MAL2: variants seen among roughly 807,000 people sequenced by gnomAD.
MAL2 encodes the protein mal, T cell differentiation protein 2.
A neutral mutation model predicts 18.1 loss-of-function variants in MAL2; 17 were observed. The observed-to-expected ratio is 0.94, with a 90% CI of 0.64 to 1.41. MAL2 has a LOEUF of 1.41. MAL2 is among the 40% of genes most tolerant of loss of function. The pLI, the probability that MAL2 is intolerant of heterozygous loss-of-function variation, is 0.00. For missense variants in MAL2, 222 were observed against 231.9 expected (o/e 0.96, Z 0.28); for synonymous variants, 102 against 102.3 (o/e 1.00, Z 0.02).
chr8:119,213,249 G>A (rs540834091), intron 1 of MAL2, among the ~76,000 whole-genome samples: 1 of 152,272 alleles, frequency 6.6e-6, no homozygotes, highest in East Asian at 1.9e-4. Context: ...TTGTGAGGGA[G>A]GGACTTTAGG....
intron 1 of MAL2, among the ~76,000 whole-genome samples, chr8:119,213,483 T>A (rs929425142): frequency 6.6e-6 from 1 of 152,208 alleles, no homozygotes; most frequent in Non-Finnish European, 1.5e-5. Context: ...TGTAGGTATT[T>A]TTTTTCCTTT....
chr8:119,232,996 C>G (rs1476206800), intron 2 of MAL2, among the ~76,000 whole-genome samples: 1 of 57,696 alleles, frequency 1.7e-5, no homozygotes, highest in Non-Finnish European at 5.2e-5. Flanking sequence ...CTGAGGAGAG[C>G]TTTACTTCCA....
chr8:119,213,805 C>T (rs950953129), intron 1 of MAL2, among the ~76,000 whole-genome samples: 3 of 151,936 alleles, frequency 2.0e-5, no homozygotes, highest in South Asian at 2.1e-4. Flanking sequence ...GAAATAAGAG[C>T]GAAACTACAT....
chr8:119,214,062 G>A (rs1404434702), intron 1 of MAL2, among the ~76,000 whole-genome samples: 2 of 152,224 alleles, frequency 1.3e-5, no homozygotes, highest in African/African-American at 2.4e-5. Context: ...AATGTTGTAC[G>A]TGGTGGTAGG....
chr8:119,211,550 G>A (rs1441428324), intron 1 of MAL2, among the ~76,000 whole-genome samples: 2 of 152,018 alleles, frequency 1.3e-5, no homozygotes, highest in Non-Finnish European at 2.9e-5. Context: ...TCCCCTTAAC[G>A]TATTCTATTC....
intron 2 of MAL2, among the ~76,000 whole-genome samples, chr8:119,239,464 T>G (rs1317578199): frequency 6.6e-6 from 1 of 152,016 alleles, no homozygotes; most frequent in Non-Finnish European, 1.5e-5. Flanking sequence ...TAAAGACACA[T>G]GCACATGTAT....
rs138551626 is a variant in MAL2 at position 119,231,894 on chromosome 8, G to A, written c.304-8271G>A. On this transcript the variant is annotated intron_variant, in intron 2 of 3. Transcript: ENST00000614891. ...AATTCACAGAAGTAGAGAATAGAAT[G>A]GTGATTACCAGGGTATGGGGTGATG... Among the ~76,000 whole-genome samples the A allele has an allele frequency of 4.6e-3, 695 of 151,472 alleles. 2 individuals carry two copies. Among genetic ancestry groups the A allele is most frequent in the African/African-American group, 0.016 (666 of 40,810 alleles).
chr8:119,237,563 A>G (rs1279938716), intron 2 of MAL2, among the ~76,000 whole-genome samples: 1 of 151,912 alleles, frequency 6.6e-6, no homozygotes, highest in East Asian at 1.9e-4. Context: ...AAACGAATCC[A>G]GCAGCACATC....
chr8:119,222,269 G>A (rs1275362512), intron 2 of MAL2, among the ~76,000 whole-genome samples: 1 of 152,062 alleles, frequency 6.6e-6, no homozygotes, highest in African/African-American at 2.4e-5. Context: ...GGTAGCTCAT[G>A]CCTGTAATCC....
chr8:119,235,458 A>G (rs1349353122), intron 2 of MAL2, among the ~76,000 whole-genome samples: 7 of 151,996 alleles, frequency 4.6e-5, no homozygotes, highest in Admixed American at 4.6e-4. Context: ...TGCCACAAAG[A>G]TACTCCTCGA....
Position 119,208,615 on chromosome 8 carries a change from C to A in MAL2, c.132+11C>A. 1.5e-6 allele frequency: 2 copies of A among 1,311,038 alleles called. No homozygotes were observed. The highest frequency in any genetic ancestry group is 4.5e-5 in the South Asian group (2 of 44,216). The allele number at this position is 1,311,038 out of a possible 1,614,324, so 81.2% of individuals were successfully genotyped here. ...GTCTGCCTGGAGATTGTAAGTGGGG[C>A]CGCCGGAGCGAGGGTCGCGCGGGGA... On this transcript the variant is annotated intron_variant, in intron 1 of 3. Transcript: ENST00000614891. This position sits in a 1 kb window ranked among gnomAD's most constrained non-coding sequence, Gnocchi z 4.3.
chr8:119,215,562 G>T (rs901381143), intron 1 of MAL2: 4 of 152,222 alleles, frequency 2.6e-5, no homozygotes, highest in Non-Finnish European at 5.9e-5. Flanking sequence ...TGTAATTGCT[G>T]TGGAGAATAC....
chr8:119,230,142 ACT>A (rs1817686388), intron 2 of MAL2, among the ~76,000 whole-genome samples: 1 of 151,912 alleles, frequency 6.6e-6, no homozygotes, highest in Non-Finnish European at 1.5e-5. Context: ...AACACTTGTC[ACT>A]CTCCAGTGCA....
chr8:119,212,625 A>G (rs1247815596), intron 1 of MAL2, among the ~76,000 whole-genome samples: 2 of 152,238 alleles, frequency 1.3e-5, no homozygotes, highest in African/African-American at 2.4e-5. Flanking sequence ...AGCAGGATAG[A>G]GTACATCTGA....
intron 2 of MAL2, among the ~76,000 whole-genome samples, chr8:119,225,314 C>T (rs2129827795): frequency 6.6e-6 from 1 of 151,784 alleles, no homozygotes; most frequent in South Asian, 2.1e-4. Flanking sequence ...TGTTCCCCTT[C>T]CTGTGTCCAT....
At chr8:119,209,798 C>T (rs1050773048) in intron 1 of MAL2, among the ~76,000 whole-genome samples, 1 of 152,148 alleles carries the variant, frequency 6.6e-6, no homozygotes, top group African/African-American at 2.4e-5. Flanking sequence ...GAGTTGCAGG[C>T]TATGACATCA....
chr8:119,231,706 G>A (rs891680756), intron 2 of MAL2, among the ~76,000 whole-genome samples: 1 of 152,102 alleles, frequency 6.6e-6, no homozygotes, highest in African/African-American at 2.4e-5. Context: ...GTAGATGAAT[G>A]GATAAAGAAA....
chr8:119,214,634 T>G (rs1338548819), intron 1 of MAL2, among the ~76,000 whole-genome samples: 1 of 152,202 alleles, frequency 6.6e-6, no homozygotes, highest in African/African-American at 2.4e-5. Context: ...ATATTTCTCC[T>G]CTGTAATATG....
chr8:119,221,781 T>C (rs1424732537), intron 2 of MAL2, 24 bp downstream of exon 2: 3 of 1,610,286 alleles, frequency 1.9e-6, no homozygotes, highest in Middle Eastern at 3.3e-4. Flanking sequence ...ATTTTAAGTC[T>C]ATTGCAGGAA....
Sources: allele counts gnomAD v4.1 joint callset (sites outside exome capture counted in the v4.1 genomes callset), GRCh38; gene constraint gnomAD v4.1.1; non-coding constraint Gnocchi (gnomAD v3.1); transcripts MANE v1.5; gene names NCBI Gene and HGNC (gene_info 2026-07-23, HGNC 2026-07-21).